Variants in SEMA5A observed in about 807,000 individuals in gnomAD.
The protein encoded by SEMA5A is semaphorin-5A.
SEMA5A carries 55 observed loss-of-function variants against 135.5 expected under a neutral mutation model. The observed-to-expected ratio is 0.41, with a 90% CI of 0.33 to 0.51. The LOEUF is 0.51. Among genes scored for constraint, SEMA5A ranks in the 20% least tolerant of loss-of-function variants. The pLI is 0.37. For synonymous variants in SEMA5A, 580 were observed against 546.5 expected (o/e 1.06, Z -0.85); for missense variants, 1,290 against 1,419.9 (o/e 0.91, Z 1.47).
intron 13 of SEMA5A, among the ~76,000 whole-genome samples, chr5:9,130,483 G>T (rs1442452785): frequency 6.6e-6 from 1 of 152,082 alleles, no homozygotes; most frequent in Non-Finnish European, 1.5e-5. Context: ...CCTCCAAAAA[G>T]AACTAAGCTG....
At chr5:9,460,993 G>A (rs1199565271) in intron 1 of SEMA5A, among the ~76,000 whole-genome samples, 1 of 152,138 alleles carries the variant, frequency 6.6e-6, no homozygotes, top group Non-Finnish European at 1.5e-5. Context: ...ACCTTGCTTA[G>A]CAAGTACTCT....
At chr5:9,412,629 T>C (rs886625344) in intron 2 of SEMA5A, among the ~76,000 whole-genome samples, 1 of 146,968 alleles carries the variant, frequency 6.8e-6, no homozygotes, top group East Asian at 2.1e-4. Flanking sequence ...GATATTGGCA[T>C]ATACATAACA....
intron 1 of SEMA5A, among the ~76,000 whole-genome samples, chr5:9,474,530 T>A (rs1759598433): frequency 6.7e-6 from 1 of 148,946 alleles, no homozygotes; most frequent in East Asian, 1.9e-4. Flanking sequence ...TCTGAAAGAG[T>A]CTACACATGT....
At chr5:9,199,923 T>G (rs1211734699) in intron 9 of SEMA5A, among the ~76,000 whole-genome samples, 1 of 152,208 alleles carries the variant, frequency 6.6e-6, no homozygotes, top group Non-Finnish European at 1.5e-5. Context: ...TGGTTATCTT[T>G]TCCCCATTCC....
intron 1 of SEMA5A, among the ~76,000 whole-genome samples, chr5:9,535,040 G>A (rs1406721389): frequency 6.6e-6 from 1 of 152,166 alleles, no homozygotes; most frequent in Non-Finnish European, 1.5e-5. Context: ...TCGGGTCAGG[G>A]CTGAATGAGG....
chr5:9,091,466 C>G (rs2150124724), intron 16 of SEMA5A, among the ~76,000 whole-genome samples: 1 of 151,980 alleles, frequency 6.6e-6, no homozygotes, highest in East Asian at 1.9e-4. Flanking sequence ...AAGATATGTG[C>G]ACCCGAGGAG....
intron 11 of SEMA5A, among the ~76,000 whole-genome samples, chr5:9,170,029 T>C (rs963710669): frequency 1.3e-5 from 2 of 152,220 alleles, no homozygotes; most frequent in African/African-American, 4.8e-5. Flanking sequence ...GGGAATTATT[T>C]TCACTGTCAG....
Position 9,042,811 on chromosome 5 carries a change from C to A in SEMA5A, c.*86G>T. 6.6e-7 allele frequency: 1 copy of A among 1,524,092 alleles called. No individual in the cohort carries two copies. The highest frequency in any genetic ancestry group is 9.0e-7 in the Non-Finnish European group (1 of 1,107,694). The allele number at this position is 1,524,092 out of a possible 1,614,324, so 94.4% of individuals were successfully genotyped here. ...CACTTGAAATGTATCCAAACTTCGA[C>A]TCTGAAGCCTCAGAAACATGGGCAG... On this transcript the variant is annotated 3_prime_UTR_variant, in exon 23 of 23. Coordinates refer to ENST00000382496, the MANE Select transcript of SEMA5A (RefSeq NM_003966.3).
At chr5:9,268,210 T>C (rs1433575174) in intron 5 of SEMA5A, among the ~76,000 whole-genome samples, 2 of 152,176 alleles carry the variant, frequency 1.3e-5, no homozygotes, top group East Asian at 1.9e-4. Flanking sequence ...TAAGAATCTA[T>C]GGACCCTAAA....
At chr5:9,282,169 C>T (rs1750577255) in intron 5 of SEMA5A, among the ~76,000 whole-genome samples, 1 of 152,114 alleles carries the variant, frequency 6.6e-6, no homozygotes. Flanking sequence ...CCACCTTTAA[C>T]ACAAGAGCAT....
At chr5:9,129,440 G>A (rs372199391) in intron 13 of SEMA5A, among the ~76,000 whole-genome samples, 2 of 152,192 alleles carry the variant, frequency 1.3e-5, no homozygotes, top group Non-Finnish European at 2.9e-5. Flanking sequence ...AAAGTACATG[G>A]GTCTTTGGGT....
chr5:9,294,468 C>T (rs917868327), intron 5 of SEMA5A, among the ~76,000 whole-genome samples: 3 of 152,192 alleles, frequency 2.0e-5, no homozygotes, highest in Admixed American at 6.5e-5. Flanking sequence ...GATTCCCCTG[C>T]CTGCTCCTCA....
intron 5 of SEMA5A, among the ~76,000 whole-genome samples, chr5:9,313,906 C>A (rs192816575): frequency 6.6e-6 from 1 of 152,146 alleles, no homozygotes; most frequent in Non-Finnish European, 1.5e-5. Context: ...GTAGAAACTG[C>A]CCTCAGGTGA....
At chr5:9,405,762 G>A (rs181561311) in intron 2 of SEMA5A, among the ~76,000 whole-genome samples, 5 of 152,286 alleles carry the variant, frequency 3.3e-5, no homozygotes, top group East Asian at 1.9e-4. Context: ...GAGGGACTTC[G>A]AATATGCTGG....
intron 12 of SEMA5A, among the ~76,000 whole-genome samples, chr5:9,142,017 C>A (rs1231955458): frequency 6.6e-6 from 1 of 152,220 alleles, no homozygotes; most frequent in Non-Finnish European, 1.5e-5. Context: ...TACTTACGAG[C>A]ACTTGCTATG....
At chr5:9,256,601 T>A (rs548485223) in intron 5 of SEMA5A, among the ~76,000 whole-genome samples, 2 of 152,356 alleles carry the variant, frequency 1.3e-5, no homozygotes, top group Admixed American at 1.3e-4. Context: ...TACCAGTTTC[T>A]AACACTTTTC....
intron 3 of SEMA5A, among the ~76,000 whole-genome samples, chr5:9,369,794 TG>T (rs1456828373): frequency 2.0e-5 from 3 of 146,646 alleles, no homozygotes; most frequent in Non-Finnish European, 4.5e-5. Context: ...AAAAAAAAAA[TG>T]GCAGTGCAGG....
intron 21 of SEMA5A, among the ~76,000 whole-genome samples, chr5:9,046,358 C>G (rs1320929014): frequency 1.3e-5 from 2 of 152,208 alleles, no homozygotes; most frequent in South Asian, 2.1e-4. Flanking sequence ...ATGAGAAGAG[C>G]CTGGGTGCAT....
intron 1 of SEMA5A, among the ~76,000 whole-genome samples, chr5:9,466,381 T>TA (rs1561276309): frequency 9.6e-4 from 20 of 20,770 alleles, no homozygotes; most frequent in Admixed American, 7.6e-3. Flanking sequence ...ATAATAAAAT[T>TA]TAAAAAAAAA....
Sources: allele counts gnomAD v4.1 joint callset (sites outside exome capture counted in the v4.1 genomes callset), GRCh38; gene constraint gnomAD v4.1.1; transcripts MANE v1.5; gene names NCBI Gene and HGNC (gene_info 2026-07-23, HGNC 2026-07-21).